The following PTPN4 variants were observed in gnomAD, a reference collection of about 807,000 sequenced individuals.
The protein encoded by PTPN4 is tyrosine-protein phosphatase non-receptor type 4.
In PTPN4, 49 loss-of-function variants were observed where a neutral mutation model predicts 135.5. The ratio of observed to expected loss-of-function variants is 0.36; its 90% CI spans 0.29 to 0.46. PTPN4 has a LOEUF of 0.46. Among genes scored for constraint, PTPN4 ranks in the 20% least tolerant of loss-of-function variants. The pLI is 1.00. For missense variants in PTPN4, 860 were observed against 1,101.0 expected, an observed-to-expected ratio of 0.78 and a Z score of 3.10; for synonymous variants, 333 against 369.9, an observed-to-expected ratio of 0.90 and a Z score of 1.14.
Position 119,957,078 on chromosome 2 carries a change from G to A in PTPN4, c.2133+1G>A. ...CTACATCAATGCGAACTATATAAAT[G>A]TAAGTTTATTCTTATTATGCCTTTG... On this transcript the variant is annotated splice_donor_variant, in intron 22 of 26. Transcript: ENST00000263708. LOFTEE classifies it high-confidence loss of function. 6.2e-7 allele frequency: 1 copy of A among 1,604,528 alleles called. No homozygotes were observed. Among genetic ancestry groups the A allele is most frequent in the Non-Finnish European group, 8.5e-7 (1 of 1,175,462 alleles).
At chr2:119,910,158 A>G (rs1425084730) in intron 10 of PTPN4, among the ~76,000 whole-genome samples, 2 of 152,062 alleles carry the variant, frequency 1.3e-5, no homozygotes, top group Non-Finnish European at 2.9e-5. Context: ...TGGTCTTGCC[A>G]CATTGTGGCA....
intron 9 of PTPN4, among the ~76,000 whole-genome samples, chr2:119,887,612 A>C (rs1332164145): frequency 6.6e-6 from 1 of 152,196 alleles, no homozygotes; most frequent in African/African-American, 2.4e-5. Flanking sequence ...TGATTTTCTC[A>C]GAACCGTTTA....
chr2:119,773,203 T>C (rs1324122291), intron 1 of PTPN4, among the ~76,000 whole-genome samples: 1 of 152,222 alleles, frequency 6.6e-6, no homozygotes, highest in Non-Finnish European at 1.5e-5. Context: ...ATATCGTAGA[T>C]ACTAATTGGT....
rs1448239675 is a variant in PTPN4, at chr2:119,980,471, A to G, written c.*3401A>G. On this transcript the variant is annotated 3_prime_UTR_variant, in exon 27 of 27. Transcript: ENST00000263708. ...TCCAGTCTTCACTTAGCCCATTTTT[A>G]TCGGCATTAGGAAATAGGGTTCAGC... is the stretch of plus-strand genomic sequence containing the variant. The G allele has an allele frequency of 6.6e-6, 1 of 151,942 alleles. No individual in the cohort carries two copies. The highest frequency in any genetic ancestry group is 1.5e-5 in the Non-Finnish European group (1 of 67,894). 9.4% of individuals were successfully genotyped at this position (151,942 alleles called of 1,614,324 possible).
chr2:119,915,043 C>A, intron 10 of PTPN4, 136 bp from the exon 11 acceptor site: 2 of 669,210 alleles, frequency 3.0e-6, no homozygotes, highest in Non-Finnish European at 4.3e-6. Context: ...ACTTTCAATT[C>A]TTTATGTACT....
At chr2:119,788,525 G>C (rs545085463) in intron 1 of PTPN4, among the ~76,000 whole-genome samples, 1 of 152,208 alleles carries the variant, frequency 6.6e-6, no homozygotes, top group Non-Finnish European at 1.5e-5. Context: ...TCACATTCCT[G>C]TGGAGCCATC....
chr2:119,769,687 G>A (rs1052578404), intron 1 of PTPN4, among the ~76,000 whole-genome samples: 10 of 152,186 alleles, frequency 6.6e-5, no homozygotes, highest in Non-Finnish European at 1.2e-4. Context: ...ATACCTTTGC[G>A]TTTCAAGGGT....
chr2:119,976,140 C>T (rs1679613973), intron 26 of PTPN4, among the ~76,000 whole-genome samples: 1 of 151,696 alleles, frequency 6.6e-6, no homozygotes, highest in East Asian at 1.9e-4. Flanking sequence ...GGACTACAGG[C>T]ACCCACTACC....
intron 10 of PTPN4, among the ~76,000 whole-genome samples, chr2:119,908,730 G>A (rs1206089947): frequency 6.6e-6 from 1 of 152,130 alleles, no homozygotes; most frequent in Non-Finnish European, 1.5e-5. Flanking sequence ...AAATGATTAA[G>A]TTCAGTGAGG....
intron 2 of PTPN4, among the ~76,000 whole-genome samples, chr2:119,846,353 T>C (rs1317094552): frequency 1.3e-5 from 2 of 152,246 alleles, no homozygotes; most frequent in African/African-American, 4.8e-5. Context: ...TATGTTTGTA[T>C]CTTCTGATGG....
At chr2:119,850,635 G>A in intron 2 of PTPN4, among the ~76,000 whole-genome samples, 1 of 152,182 alleles carries the variant, frequency 6.6e-6, no homozygotes, top group Admixed American at 6.5e-5. Flanking sequence ...GTGGGTTGTG[G>A]CTCAAGTGCC....
At chr2:119,962,950 A>G (rs989127790) in intron 24 of PTPN4, among the ~76,000 whole-genome samples, 1 of 152,174 alleles carries the variant, frequency 6.6e-6, no homozygotes, top group African/African-American at 2.4e-5. Flanking sequence ...TTTAGTTTCT[A>G]TGACTAAATA....
At chr2:119,814,423 G>T (rs1034599194) in intron 2 of PTPN4, among the ~76,000 whole-genome samples, 1 of 152,106 alleles carries the variant, frequency 6.6e-6, no homozygotes, top group Non-Finnish European at 1.5e-5. Flanking sequence ...TAGGGGAGGG[G>T]AAGTGAGAGA....
At chr2:119,767,865 C>T (rs567097206) in intron 1 of PTPN4, among the ~76,000 whole-genome samples, 3 of 152,294 alleles carry the variant, frequency 2.0e-5, no homozygotes, top group African/African-American at 7.2e-5. Context: ...TTCAAGTCTG[C>T]TGGGTTTCTC....
intron 3 of PTPN4, among the ~76,000 whole-genome samples, chr2:119,863,976 T>C (rs950838703): frequency 6.6e-6 from 1 of 152,058 alleles, no homozygotes. Context: ...GAATGTAGTT[T>C]AAAGAGAGTT....
intron 1 of PTPN4, among the ~76,000 whole-genome samples, chr2:119,769,127 T>C (rs6751248): frequency 0.57 from 86,346 of 151,958 alleles, 26,390 homozygotes; most frequent in East Asian, 0.8. Flanking sequence ...CTAACTACCA[T>C]CACTGAAAGA....
In PTPN4 at chr2:119,917,142, A is replaced by G. The variant is rs552399361; in HGVS notation, c.828+1900A>G. Among the ~76,000 whole-genome samples the G allele has an allele frequency of 2.0e-5, 3 of 152,338 alleles. No homozygotes were observed. In the South Asian group the frequency reaches 6.2e-4, roughly 32 times the overall value. On this transcript the variant is annotated intron_variant, in intron 11 of 26. Transcript: ENST00000263708. ...TACTAGTGTTATTAATAATAGTTAT[A>G]ATATCCAGCCTTTATTGAGAACTTA...
At chr2:119,788,805 T>C (rs1691089379) in intron 1 of PTPN4, among the ~76,000 whole-genome samples, 1 of 152,216 alleles carries the variant, frequency 6.6e-6, no homozygotes, top group Non-Finnish European at 1.5e-5. Context: ...GGATATACCA[T>C]ATTTTGCTTA....
chr2:119,802,300 G>C (rs977344492), intron 1 of PTPN4, among the ~76,000 whole-genome samples: 1 of 152,168 alleles, frequency 6.6e-6, no homozygotes, highest in Admixed American at 6.5e-5. Flanking sequence ...CCTGGTTATA[G>C]GGGAAAGCAT....
Sources: gnomAD v4.1 joint callset for allele counts (sites outside exome capture counted in the v4.1 genomes callset) on GRCh38, gnomAD v4.1.1 for gene constraint, MANE v1.5 for transcripts, NCBI Gene and HGNC (gene_info 2026-07-23, HGNC 2026-07-21) for gene names.